Variants in DLGAP1 observed in about 807,000 individuals in gnomAD.
DLGAP1 encodes the protein DLG associated protein 1, also known as disks large-associated protein 1.
Under a neutral mutation model 90.8 loss-of-function variants are expected in DLGAP1, and 11 were observed. The ratio of observed to expected loss-of-function variants is 0.12; its 90% CI spans 0.08 to 0.20. The LOEUF is 0.20. Among genes scored for constraint, DLGAP1 ranks in the 10% least tolerant of loss-of-function variants. DLGAP1 has a pLI of 1.00. For missense variants in DLGAP1, 1,050 were observed against 1,333.8 expected (o/e 0.79, Z 3.31); for synonymous variants, 558 against 540.7 (o/e 1.03, Z -0.44).
intron 7 of DLGAP1, chr18:3,603,786 C>A: frequency 6.5e-6 from 1 of 154,508 alleles, no homozygotes; most frequent in Non-Finnish European, 1.5e-5. Flanking sequence ...GTTGACATCT[C>A]ATTTACAATC....
At chr18:4,119,813 C>T (rs1017138633) in intron 2 of DLGAP1, among the ~76,000 whole-genome samples, 3 of 152,224 alleles carry the variant, frequency 2.0e-5, no homozygotes, top group South Asian at 2.1e-4. Flanking sequence ...AGTAACAATG[C>T]GATGAAACTT....
intron 4 of DLGAP1, among the ~76,000 whole-genome samples, chr18:3,848,082 C>T (rs368940585): frequency 7.9e-6 from 1 of 127,306 alleles, no homozygotes; most frequent in African/African-American, 3.0e-5. Context: ...GAGTCATGAT[C>T]GTGCCATTGC....
At chr18:3,624,864 GAC>G (rs1298209599) in intron 7 of DLGAP1, among the ~76,000 whole-genome samples, 10 of 151,988 alleles carry the variant, frequency 6.6e-5, no homozygotes, top group Non-Finnish European at 4.4e-5. Flanking sequence ...CCAAGAAATA[GAC>G]CACTAAGACC....
chr18:4,356,156 G>T (rs951415647), intron 1 of DLGAP1, among the ~76,000 whole-genome samples: 3 of 151,768 alleles, frequency 2.0e-5, no homozygotes, highest in African/African-American at 7.3e-5. Context: ...TCACTTCATG[G>T]ACTCTCCCGA....
intron 1 of DLGAP1, among the ~76,000 whole-genome samples, chr18:4,346,387 T>C (rs1421489063): frequency 1.3e-5 from 2 of 152,166 alleles, no homozygotes; most frequent in African/African-American, 4.8e-5. Flanking sequence ...AAGGTATTAC[T>C]ACCAAAATGC....
Position 4,383,911 on chromosome 18 carries a change from C to T in DLGAP1, c.-267+71095G>A, listed in dbSNP as rs2082179022. 6.6e-6 allele frequency among the ~76,000 whole-genome samples: 1 copy of T among 152,076 alleles called. No homozygotes were observed. The highest frequency in any genetic ancestry group is 1.5e-5 in the Non-Finnish European group (1 of 67,980). Reference sequence around the variant, plus strand: ...AATAACTCTGGATCAATTATCCAGACTCAGGGAAATGGAAAAGATTAGTGT... The same window carrying T: ...AATAACTCTGGATCAATTATCCAGATTCAGGGAAATGGAAAAGATTAGTGT... On this transcript the variant is annotated intron_variant, in intron 1 of 12. Transcript: ENST00000315677. The surrounding 1 kb of genome is among the most constrained non-coding windows in gnomAD (Gnocchi z 4.0).
chr18:4,081,804 CTT>C (rs996833834), intron 2 of DLGAP1, among the ~76,000 whole-genome samples: 4 of 152,328 alleles, frequency 2.6e-5, no homozygotes, highest in African/African-American at 9.6e-5. Context: ...GCCCAACAGA[CTT>C]TGTCCCAGGC....
chr18:3,957,621 T>C (rs2073108255), intron 3 of DLGAP1, among the ~76,000 whole-genome samples: 1 of 152,032 alleles, frequency 6.6e-6, no homozygotes, highest in South Asian at 2.1e-4. Context: ...AAATTAATCT[T>C]GAAAAAAAAT....
At chr18:3,693,180 T>A (rs950676378) in intron 7 of DLGAP1, among the ~76,000 whole-genome samples, 3 of 152,178 alleles carry the variant, frequency 2.0e-5, no homozygotes, top group African/African-American at 7.2e-5. Context: ...ACTCCTGGGC[T>A]CCAGCGATCC....
chr18:4,087,811 T>C (rs1010682003), intron 2 of DLGAP1, among the ~76,000 whole-genome samples: 10 of 152,294 alleles, frequency 6.6e-5, no homozygotes, highest in Admixed American at 6.5e-4. Context: ...CTTAACCTAG[T>C]TCTTTATTTT....
At chr18:4,110,958 C>T (rs1044543800) in intron 2 of DLGAP1, among the ~76,000 whole-genome samples, 2 of 152,166 alleles carry the variant, frequency 1.3e-5, no homozygotes, top group African/African-American at 2.4e-5. Flanking sequence ...GTCCTATCGA[C>T]TTACAAATCC....
intron 5 of DLGAP1, among the ~76,000 whole-genome samples, chr18:3,789,547 T>C (rs180680326): frequency 6.6e-6 from 1 of 152,218 alleles, no homozygotes; most frequent in African/African-American, 2.4e-5. Flanking sequence ...GGCAGGACCA[T>C]AGGGTGTATC....
intron 2 of DLGAP1, among the ~76,000 whole-genome samples, chr18:4,054,561 G>T (rs890031321): frequency 6.6e-6 from 1 of 152,182 alleles, no homozygotes; most frequent in Admixed American, 6.5e-5. Context: ...AGCAGGACAC[G>T]TTGGTGTAAG....
At chr18:3,940,980 C>T (rs1453712918) in intron 3 of DLGAP1, among the ~76,000 whole-genome samples, 3 of 152,094 alleles carry the variant, frequency 2.0e-5, no homozygotes, top group African/African-American at 7.2e-5. Flanking sequence ...TATGAAAGAT[C>T]CTGTTGGTCT....
rs371800348 is a variant in DLGAP1 at position 4,084,961 on chromosome 18, G to A, written c.-159+66219C>T. Among the ~76,000 whole-genome samples the A allele has an allele frequency of 1.9e-4, 5 of 26,322 alleles. No homozygotes were observed. Among genetic ancestry groups the A allele is most frequent in the South Asian group, 1.7e-3 (2 of 1,210 alleles). 17.3% of individuals were successfully genotyped at this position (26,322 alleles called of 152,430 possible). On this transcript the variant is annotated intron_variant, in intron 2 of 12. Transcript: ENST00000315677. The surrounding 1 kb of genome is among the most constrained non-coding windows in gnomAD (Gnocchi z 4.0). ...GAGCATGCTGCAAGGAGCAGGCATCGTCCAGGATGGTTAATGGGGAAGACA... is the reference window on the plus strand; with the variant it reads ...GAGCATGCTGCAAGGAGCAGGCATCATCCAGGATGGTTAATGGGGAAGACA...
chr18:3,829,267 G>A (rs943582182), intron 4 of DLGAP1, among the ~76,000 whole-genome samples: 2 of 152,200 alleles, frequency 1.3e-5, no homozygotes, highest in African/African-American at 4.8e-5. Context: ...ATGATATAAA[G>A]TAACATATGA....
At chr18:4,193,349 T>C (rs1359178201) in intron 1 of DLGAP1, among the ~76,000 whole-genome samples, 3 of 152,210 alleles carry the variant, frequency 2.0e-5, no homozygotes, top group African/African-American at 7.2e-5. Flanking sequence ...AGGTCAAAAG[T>C]AAAATCATCA....
At chr18:3,990,041 T>G (rs1052792002) in intron 3 of DLGAP1, among the ~76,000 whole-genome samples, 5 of 152,134 alleles carry the variant, frequency 3.3e-5, no homozygotes, top group African/African-American at 9.7e-5. Flanking sequence ...GGTGGGACTG[T>G]AAACTAGTTC....
chr18:3,972,620 T>C (rs1015604558), intron 3 of DLGAP1, among the ~76,000 whole-genome samples: 2 of 152,194 alleles, frequency 1.3e-5, no homozygotes, highest in African/African-American at 4.8e-5. Context: ...ATTCAGTCCC[T>C]GGCATCCGAT....
Sources: allele counts gnomAD v4.1 joint callset (sites outside exome capture counted in the v4.1 genomes callset), GRCh38; gene constraint gnomAD v4.1.1; non-coding constraint Gnocchi (gnomAD v3.1); transcripts MANE v1.5; gene names NCBI Gene and HGNC (gene_info 2026-07-23, HGNC 2026-07-21).